The following ITGA2 variants were observed in gnomAD, a reference collection of about 807,000 sequenced individuals.
ITGA2 encodes integrin subunit alpha 2, also known as integrin alpha-2.
In ITGA2, 101 loss-of-function variants were observed where a neutral mutation model predicts 146.3. That is an observed-to-expected ratio of 0.69 (90% CI 0.59 to 0.81). The LOEUF is 0.81. ITGA2 is among the 40% of genes least tolerant of loss of function. The pLI, the probability that ITGA2 is intolerant of heterozygous loss-of-function variation, is 0.00. For missense variants in ITGA2, 1,281 were observed against 1,402.7 expected (o/e 0.91, Z 1.39); for synonymous variants, 477 against 487.1 (o/e 0.98, Z 0.27).
chr5:53,083,313 CT>C, intron 26 of ITGA2, 26 bp from the exon 27 acceptor site: 2 of 1,413,384 alleles, frequency 1.4e-6, no homozygotes, highest in Non-Finnish European at 2.0e-6. Context: ...CTTGCTCTCT[CT>C]TTTACCTTTG....
chr5:53,078,335 C>T (rs191473131), intron 23 of ITGA2, among the ~76,000 whole-genome samples: 75 of 152,042 alleles, frequency 4.9e-4, no homozygotes, highest in Non-Finnish European at 9.0e-4. Context: ...AGCTCAATAC[C>T]CTATTATTAT....
chr5:53,008,055 G>T (rs1458199089), intron 1 of ITGA2, among the ~76,000 whole-genome samples: 1 of 152,006 alleles, frequency 6.6e-6, no homozygotes, highest in Non-Finnish European at 1.5e-5. Context: ...ATTTTCTGGT[G>T]TAATATACTT....
intron 6 of ITGA2, among the ~76,000 whole-genome samples, chr5:53,049,546 A>C (rs1744256498): frequency 6.6e-6 from 1 of 152,210 alleles, no homozygotes; most frequent in Non-Finnish European, 1.5e-5. Flanking sequence ...ATTCCAGTTT[A>C]GCTTGCCCTT....
intron 2 of ITGA2, among the ~76,000 whole-genome samples, chr5:53,034,039 G>C (rs1430225774): frequency 2.0e-5 from 3 of 152,154 alleles, no homozygotes; most frequent in East Asian, 3.9e-4. Context: ...TGGGATTACA[G>C]GCGTGAGCCA....
At chr5:53,048,526 G>C in intron 5 of ITGA2, 49 bp downstream of exon 5, 1 of 1,609,032 alleles carries the variant, frequency 6.2e-7, no homozygotes, top group Non-Finnish European at 8.5e-7. Flanking sequence ...ACAGTTAAAG[G>C]AGGGGGAAAA....
Position 53,090,784 on chromosome 5 carries a change from G to T in ITGA2, c.*185G>T. The stretch of plus-strand genomic sequence containing the variant: ...AAATTGTGGGGGGTGGGGGAGGTGC[G>T]GGGGGCAGGTAGGGAAATAATAGGG... On this transcript the variant is annotated 3_prime_UTR_variant, in exon 30 of 30. Coordinates refer to ENST00000296585, the MANE Select transcript of ITGA2 (RefSeq NM_002203.4). 1.8e-6 allele frequency: 1 copy of T among 557,054 alleles called. No individual in the cohort carries two copies. The highest frequency in any genetic ancestry group is 3.2e-6 in the Non-Finnish European group (1 of 308,392). 34.5% of individuals were successfully genotyped at this position (557,054 alleles called of 1,614,324 possible).
chr5:53,093,218 G>T lies in ITGA2; in HGVS notation c.*2619G>T, dbSNP rs1423363701. On this transcript the variant is annotated 3_prime_UTR_variant, in exon 30 of 30. Coordinates refer to ENST00000296585, the MANE Select transcript of ITGA2 (RefSeq NM_002203.4). ...TTTTACTCTGTCTCACCTCCTTTAG[G>T]TGAGTACTTCCTTAAATAAGTGCTA... 2.6e-5 allele frequency: 4 copies of T among 152,082 alleles called. No individual in the cohort carries two copies. The highest frequency in any genetic ancestry group is 5.9e-5 in the Non-Finnish European group (4 of 68,018). The allele number at this position is 152,082 out of a possible 1,614,324, so 9.4% of individuals were successfully genotyped here.
chr5:52,997,285 C>A (rs1741314597), intron 1 of ITGA2, among the ~76,000 whole-genome samples: 1 of 152,154 alleles, frequency 6.6e-6, no homozygotes, highest in Non-Finnish European at 1.5e-5. Flanking sequence ...AAGATTCCTG[C>A]ATTATTATCT....
chr5:53,037,642 C>T (rs892512671), intron 2 of ITGA2, among the ~76,000 whole-genome samples: 1 of 152,100 alleles, frequency 6.6e-6, no homozygotes, highest in African/African-American at 2.4e-5. Flanking sequence ...TCACCGAGGC[C>T]TTAGGGTGTG....
chr5:53,012,812 T>G (rs1193217960), intron 1 of ITGA2, among the ~76,000 whole-genome samples: 2 of 152,200 alleles, frequency 1.3e-5, no homozygotes, highest in African/African-American at 4.8e-5. Context: ...TGAGATGATA[T>G]CTCACTGTGG....
In ITGA2 at chr5:53,058,044, C is replaced by T. The variant is rs766089933; in HGVS notation, c.1116C>T (p.Asp372=). 4.3e-6 allele frequency: 7 copies of T among 1,611,260 alleles called. No individual in the cohort carries two copies. In the South Asian group the frequency reaches 6.6e-5, roughly 15 times the overall value. The change falls in exon 10 of 30, where the codon GAC becomes GAT. Residue 372 remains aspartate (D), a synonymous_variant. Coordinates refer to ENST00000296585, the MANE Select transcript of ITGA2 (RefSeq NM_002203.4). Reference sequence around the variant, plus strand: ...TTCCAGGTACTGTTCAAGGAGGAGACAACTTTCAGATGGAAATGTCACAAG... The same window carrying T: ...TTCCAGGTACTGTTCAAGGAGGAGATAACTTTCAGATGGAAATGTCACAAG... ...FSIEGTVQGG[D]NFQMEMSQVG...
At chr5:53,042,521 T>C (rs3212443) in intron 3 of ITGA2, among the ~76,000 whole-genome samples, 187 of 152,262 alleles carry the variant, frequency 1.2e-3, no homozygotes, top group African/African-American at 4.3e-3. Context: ...TATCCTTGAA[T>C]CCGAGGCTAT....
At chr5:53,073,973 A>G (rs1412371340) in intron 20 of ITGA2, among the ~76,000 whole-genome samples, 1 of 151,242 alleles carries the variant, frequency 6.6e-6, no homozygotes, top group Non-Finnish European at 1.5e-5. Flanking sequence ...AAAACCCTCA[A>G]ATTACTTAAA....
chr5:52,998,194 G>T (rs576865462), intron 1 of ITGA2, among the ~76,000 whole-genome samples: 7 of 152,238 alleles, frequency 4.6e-5, no homozygotes, highest in African/African-American at 1.7e-4. Flanking sequence ...CCCAGACCGA[G>T]TGCAGTGGCT....
chr5:53,045,038 C>G lies in ITGA2; in HGVS notation c.333C>G (p.Thr111=), dbSNP rs763361814. ...TTCCAAATGTTACTGAGATGAAAACCAACATGAGCCTCGGCTTGATCCTCA... is the reference window on the plus strand; with the variant it reads ...TTCCAAATGTTACTGAGATGAAAACGAACATGAGCCTCGGCTTGATCCTCA... ...TSIPNVTEMK[T]NMSLGLILTR... Residue 111 remains threonine, a synonymous_variant, in exon 4 of 30, where the codon ACC becomes ACG. Coordinates refer to ENST00000296585, the MANE Select transcript of ITGA2 (RefSeq NM_002203.4). The G allele has an allele frequency of 6.2e-7, 1 of 1,613,702 alleles. No homozygotes were observed. The highest frequency in any genetic ancestry group is 1.7e-5 in the Admixed American group (1 of 59,992).
rs757953312 is a variant in ITGA2, at chr5:53,056,019, T to TA, written c.971dup (p.Asn324LysfsTer11). 6.2e-7 allele frequency: 1 copy of TA among 1,609,238 alleles called. No individual in the cohort carries two copies. The highest frequency in any genetic ancestry group is 1.1e-5 in the South Asian group (1 of 90,312). ...ACTTAAACAGAAACGCCCTTGATAC[T>TA]AAAAATTTAATAAAAGAAATAAAAG... On this transcript the variant is annotated frameshift_variant, in exon 9 of 30. Coordinates refer to ENST00000296585, the MANE Select transcript of ITGA2 (RefSeq NM_002203.4). LOFTEE classifies it high-confidence loss of function.
At chr5:53,051,138 TA>T (rs1220241120) in intron 6 of ITGA2, among the ~76,000 whole-genome samples, 1 of 152,158 alleles carries the variant, frequency 6.6e-6, no homozygotes, top group East Asian at 1.9e-4. Flanking sequence ...ATGGCAGTAT[TA>T]AAAACTACAA....
Position 53,065,007 on chromosome 5 carries a change from G to A in ITGA2, c.1698G>A (p.Met566Ile). ...SAIAALSDIN[M>I]DGFNDVIVGS... is the part of the protein sequence containing the mutation. ...TTGCAGCTCTTTCAGACATCAACAT[G>A]GATGGCTTTAATGATGTGATTGTTG... The change falls in exon 14 of 30, where the codon ATG (methionine) becomes ATA (isoleucine). Residue 566 changes from methionine to isoleucine, a missense_variant. Met to Ile is a conservative substitution (Grantham distance 10). This residue lies in a region of ITGA2 where 795 missense variants were observed against 841.7 expected (regional missense o/e 0.94). Coordinates refer to ENST00000296585, the MANE Select transcript of ITGA2 (RefSeq NM_002203.4). 6.2e-7 allele frequency: 1 copy of A among 1,612,848 alleles called. No homozygotes were observed. Among genetic ancestry groups the A allele is most frequent in the Non-Finnish European group, 8.5e-7 (1 of 1,179,212 alleles).
At chr5:53,071,596 T>C (rs1745400927) in intron 17 of ITGA2, among the ~76,000 whole-genome samples, 1 of 151,798 alleles carries the variant, frequency 6.6e-6, no homozygotes, top group African/African-American at 2.4e-5. Flanking sequence ...AAGATACCGC[T>C]TCTGAGGAAA....
Sources: gnomAD v4.1 joint callset for allele counts (sites outside exome capture counted in the v4.1 genomes callset) on GRCh38, gnomAD v4.1.1 for gene constraint, gnomAD v4.1.1 regional missense constraint, MANE v1.5 for transcripts, NCBI Gene and HGNC (gene_info 2026-07-23, HGNC 2026-07-21) for gene names.